The following TRAPPC11 variants were observed in gnomAD, a reference collection of about 807,000 sequenced individuals.
The protein encoded by TRAPPC11 is trafficking protein particle complex subunit 11.
In TRAPPC11, 104 loss-of-function variants were observed where a neutral mutation model predicts 151.2. That is an observed-to-expected ratio of 0.69 (90% CI 0.59 to 0.81). The LOEUF (loss-of-function observed/expected upper bound fraction) is 0.81, where lower values mean the gene tolerates loss of function less well. Ranked by LOEUF, TRAPPC11 falls within the 30% of genes least tolerant of loss-of-function variation. TRAPPC11 has a pLI of 0.00. For synonymous variants in TRAPPC11, 456 were observed against 472.3 expected, an observed-to-expected ratio of 0.97 and a Z score of 0.45; for missense variants, 1,230 against 1,349.6, an observed-to-expected ratio of 0.91 and a Z score of 1.39.
chr4:183,668,571 T>G (rs1160260695), intron 5 of TRAPPC11, among the ~76,000 whole-genome samples: 1 of 152,228 alleles, frequency 6.6e-6, no homozygotes, highest in Non-Finnish European at 1.5e-5. Flanking sequence ...GAGTGACATG[T>G]ATGTCCTTTT....
chr4:183,704,518 C>CAA (rs140497615), intron 26 of TRAPPC11, among the ~76,000 whole-genome samples: 21,163 of 86,122 alleles, frequency 0.25, 2,759 homozygotes, highest in African/African-American at 0.45. Flanking sequence ...GAGACTGTCT[C>CAA]AAAAAAAAAA....
chr4:183,688,470 G>A (rs1405836120), intron 18 of TRAPPC11, among the ~76,000 whole-genome samples: 6 of 152,206 alleles, frequency 3.9e-5, no homozygotes, highest in African/African-American at 1.4e-4. Context: ...AAGGAACCTG[G>A]AAGAGTTAAG....
chr4:183,672,960 ATTTT>A (rs35637688), intron 5 of TRAPPC11, among the ~76,000 whole-genome samples: 3 of 131,018 alleles, frequency 2.3e-5, no homozygotes, highest in Admixed American at 7.9e-5. Flanking sequence ...CCGTTCGCAA[ATTTT>A]TTTTTTTTTT....
chr4:183,699,699 T>A (rs1303050625), intron 25 of TRAPPC11, among the ~76,000 whole-genome samples: 2 of 152,222 alleles, frequency 1.3e-5, no homozygotes, highest in Non-Finnish European at 2.9e-5. Flanking sequence ...CTGGAGGCTC[T>A]CAGGGAAAAT....
chr4:183,708,571 C>A lies in TRAPPC11; in HGVS notation c.3354C>A (p.Val1118=). ...GTTTTATACCTACCAGTATTTTTGTCAAGGTAAAGCTTAGCAATTTTCTGC... is the reference window on the plus strand; with the variant it reads ...GTTTTATACCTACCAGTATTTTTGTAAAGGTAAAGCTTAGCAATTTTCTGC... The part of the protein sequence containing the change: ...LRRFIPTSIF[V]KPQGRLMDDT... The change falls in exon 29 of 30, where the codon GTC becomes GTA. Residue 1118 remains valine, a synonymous_variant. Coordinates refer to ENST00000334690, the MANE Select transcript of TRAPPC11 (RefSeq NM_021942.6). The A allele has an allele frequency of 6.2e-7, 1 of 1,608,770 alleles. No individual in the cohort carries two copies. The highest frequency in any genetic ancestry group is 1.1e-5 in the South Asian group (1 of 89,412).
chr4:183,665,170 C>T (rs560108019), intron 2 of TRAPPC11, among the ~76,000 whole-genome samples: 1 of 146,148 alleles, frequency 6.8e-6, no homozygotes, highest in Non-Finnish European at 1.5e-5. Context: ...TATCGGCTCA[C>T]TGCAAGCTCC....
intron 20 of TRAPPC11, 64 bp downstream of exon 20, chr4:183,693,211 G>C (rs570657050): frequency 1.3e-5 from 19 of 1,431,346 alleles, no homozygotes; most frequent in Non-Finnish European, 1.8e-5. Context: ...TATTTTTTTT[G>C]GAGACAGAGT....
At chr4:183,662,064 C>CTGAA (rs1203259056) in intron 1 of TRAPPC11, among the ~76,000 whole-genome samples, 3 of 152,038 alleles carry the variant, frequency 2.0e-5, no homozygotes, top group South Asian at 2.1e-4. Flanking sequence ...TGTGCCTTAC[C>CTGAA]TGAATTCTCT....
At chr4:183,676,514 T>G (rs975074482) in intron 7 of TRAPPC11, among the ~76,000 whole-genome samples, 1 of 152,232 alleles carries the variant, frequency 6.6e-6, no homozygotes, top group Non-Finnish European at 1.5e-5. Context: ...TCAAAAATAA[T>G]TCTGGAAAGA....
chr4:183,699,308 C>G (rs1736690249), intron 25 of TRAPPC11, among the ~76,000 whole-genome samples: 1 of 152,166 alleles, frequency 6.6e-6, no homozygotes, highest in Non-Finnish European at 1.5e-5. Flanking sequence ...ACTTGAACTT[C>G]TTGTTCCTCC....
chr4:183,693,025 A>G lies in TRAPPC11; in HGVS notation c.2115A>G (p.Gly705=), dbSNP rs1265894478. 6.2e-7 allele frequency: 1 copy of G among 1,611,902 alleles called. No homozygotes were observed. Among genetic ancestry groups the G allele is most frequent in the Non-Finnish European group, 8.5e-7 (1 of 1,178,650 alleles). ...GATGTGTGGTTTTAAATTGGCAGGG[A>G]GGAGGAGGAGATGCTGCTTCCTCCC... ...TGRCVVLNWQ[G]GGGDAASSQE... Residue 705 remains glycine, a synonymous_variant, in exon 20 of 30, where the codon GGA becomes GGG. Coordinates refer to ENST00000334690, the MANE Select transcript of TRAPPC11 (RefSeq NM_021942.6).
At chr4:183,660,646 G>A (rs1017721804) in intron 1 of TRAPPC11, among the ~76,000 whole-genome samples, 5 of 152,170 alleles carry the variant, frequency 3.3e-5, no homozygotes, top group Non-Finnish European at 5.9e-5. Flanking sequence ...AGTTATTACA[G>A]GAAATGGCCT....
rs1736048532 is a variant in TRAPPC11 at position 183,687,585 on chromosome 4, T to C, written c.1893+837T>C. Among the ~76,000 whole-genome samples the C allele has an allele frequency of 3.3e-5, 5 of 152,134 alleles. No homozygotes were observed. The South Asian group carries it at 1.0e-3, about 31-fold the overall frequency. Reference sequence around the variant, plus strand: ...CTCCAGTGATCCACCAACCTCAGCCTCCCAAAGTGCTAGGATTACAGGTGT... The same window carrying C: ...CTCCAGTGATCCACCAACCTCAGCCCCCCAAAGTGCTAGGATTACAGGTGT... On this transcript the variant is annotated intron_variant, in intron 18 of 29. Transcript: ENST00000334690.
chr4:183,673,609 G>A (rs926559644), intron 5 of TRAPPC11, among the ~76,000 whole-genome samples: 2 of 152,158 alleles, frequency 1.3e-5, no homozygotes, highest in Non-Finnish European at 2.9e-5. Context: ...AGGAGGCTGA[G>A]GCTGTGGTGA....
chr4:183,680,081 T>G (rs1304454607), intron 9 of TRAPPC11, 39 bp from the exon 10 acceptor site: 1 of 1,569,322 alleles, frequency 6.4e-7, no homozygotes, highest in South Asian at 1.2e-5. Flanking sequence ...TTCTTTTTCT[T>G]TTCATTCCTC....
In TRAPPC11 at chr4:183,697,525, C is replaced by T. The variant is rs373484248; in HGVS notation, c.2651C>T (p.Thr884Ile). 22 of 1,602,098 alleles carry T rather than the reference C, an allele frequency of 1.4e-5. No individual in the cohort carries two copies. Among genetic ancestry groups the T allele is most frequent in the Middle Eastern group, 3.3e-4 (2 of 6,026 alleles). ...CHKDETVTIE[T>I]VFPFDVAVKF... ...CAGGATGAAACTGTAACAATTGAAA[C>T]AGTCTTTCCATTTGATGTTGCGGTT... Residue 884 changes from threonine to isoleucine, a missense_variant, in exon 24 of 30, where the codon ACA (threonine) becomes ATA (isoleucine). Transcript: ENST00000334690.
Position 183,680,679 on chromosome 4 carries a change from CTTTTTTTTTTT to C in TRAPPC11, c.1113+423_1113+433del, listed in dbSNP as rs71589581. Among the ~76,000 whole-genome samples, 103 of 82,960 alleles carry C rather than the reference CTTTTTTTTTTT, an allele frequency of 1.2e-3. 1 individual carries two copies. Among genetic ancestry groups the C allele is most frequent in the South Asian group, 3.5e-3 (9 of 2,570 alleles). The allele number at this position is 82,960 out of a possible 152,430, so 54.4% of individuals were successfully genotyped here. On this transcript the variant is annotated intron_variant, in intron 10 of 29. Coordinates refer to ENST00000334690, the MANE Select transcript of TRAPPC11 (RefSeq NM_021942.6). ...CCTGGGGTTTTCCTGTATGGAGACT[CTTTTTTTTTTT>C]TTTTTTTTTTGGAGATGGAGTCTGT...
At chr4:183,670,529 C>G (rs547570785) in intron 5 of TRAPPC11, among the ~76,000 whole-genome samples, 3 of 150,158 alleles carry the variant, frequency 2.0e-5, no homozygotes, top group Non-Finnish European at 4.4e-5. Flanking sequence ...AGTAAGAAAG[C>G]AAATGCTTCT....
At chr4:183,697,904 C>T in intron 25 of TRAPPC11, 69 bp downstream of exon 25, 2 of 1,438,348 alleles carry the variant, frequency 1.4e-6, no homozygotes, top group African/African-American at 1.4e-5. Context: ...TGTGTATAAG[C>T]TGGCAATGGA....
Sources: gnomAD v4.1 joint callset for allele counts (sites outside exome capture counted in the v4.1 genomes callset) on GRCh38, gnomAD v4.1.1 for gene constraint, MANE v1.5 for transcripts, NCBI Gene and HGNC (gene_info 2026-07-23, HGNC 2026-07-21) for gene names.